The following FAM193A variants were observed in gnomAD, a reference collection of about 807,000 sequenced individuals.
The protein encoded by FAM193A is family with sequence similarity 193 member A.
In FAM193A, 22 loss-of-function variants were observed where a neutral mutation model predicts 126.5. The observed-to-expected ratio is 0.17, with a 90% CI of 0.12 to 0.25. FAM193A has a LOEUF of 0.25. Among genes scored for constraint, FAM193A ranks in the 10% least tolerant of loss-of-function variants. The pLI is 1.00. For missense variants in FAM193A, 1,675 were observed against 1,672.8 expected, an observed-to-expected ratio of 1.00 and a Z score of -0.02; for synonymous variants, 761 against 646.8, an observed-to-expected ratio of 1.18 and a Z score of -2.68.
intron 20 of FAM193A, among the ~76,000 whole-genome samples, chr4:2,730,551 G>A (rs748208732): frequency 4.6e-5 from 7 of 152,112 alleles, no homozygotes; most frequent in Non-Finnish European, 7.3e-5. Context: ...TTAGCTGGGC[G>A]TGGTGATAGG....
At chr4:2,596,665 C>G (rs536388965) in intron 2 of FAM193A, among the ~76,000 whole-genome samples, 1 of 152,190 alleles carries the variant, frequency 6.6e-6, no homozygotes, top group Non-Finnish European at 1.5e-5. Flanking sequence ...CTCAACAATT[C>G]GACATGCAGG....
chr4:2,660,282 G>C (rs998133372), intron 10 of FAM193A, among the ~76,000 whole-genome samples: 8 of 152,042 alleles, frequency 5.3e-5, no homozygotes, highest in African/African-American at 1.9e-4. Context: ...GGCCAGTAAA[G>C]AAAAAACATG....
intron 7 of FAM193A, among the ~76,000 whole-genome samples, chr4:2,650,390 G>A (rs1038460394): frequency 1.3e-5 from 2 of 152,204 alleles, no homozygotes; most frequent in African/African-American, 2.4e-5. Context: ...ACACTGTGAA[G>A]GAAAGACCTT....
chr4:2,699,656 A>G lies in FAM193A; in HGVS notation c.3508-24A>G, dbSNP rs1364899495. 3.8e-6 allele frequency: 6 copies of G among 1,573,262 alleles called. No individual in the cohort carries two copies. The South Asian group carries it at 4.7e-5, about 12-fold the overall frequency. ...TTTTTAGCACTCACTGTAGTCTTAA[A>G]TTGCCTTCTTTTTGCATTGGCAGCT... On this transcript the variant is annotated intron_variant, in intron 18 of 20. Coordinates refer to ENST00000637812, the MANE Select transcript of FAM193A (RefSeq NM_001366318.2).
chr4:2,700,625 G>T (rs1389725820), intron 19 of FAM193A, 81 bp downstream of exon 19: 2 of 1,513,220 alleles, frequency 1.3e-6, no homozygotes, highest in African/African-American at 2.8e-5. Context: ...GAAAACACTG[G>T]GTTTGGCATG....
At chr4:2,581,204 A>G (rs1239070608) in intron 1 of FAM193A, among the ~76,000 whole-genome samples, 4 of 136,498 alleles carry the variant, frequency 2.9e-5, no homozygotes, top group Non-Finnish European at 6.6e-5. Flanking sequence ...TTGTAGATCT[A>G]GGTTTTGTTC....
In FAM193A at chr4:2,631,059, T is replaced by C. The variant is rs773462616; in HGVS notation, c.928T>C (p.Ser310Pro). 1.9e-6 allele frequency: 3 copies of C among 1,613,502 alleles called. No individual in the cohort carries two copies. Among genetic ancestry groups the C allele is most frequent in the Non-Finnish European group, 2.5e-6 (3 of 1,180,002 alleles). The change falls in exon 5 of 21, where the codon TCT becomes CCT. Residue 310 changes from serine to proline, a missense_variant. Ser to Pro is a moderately conservative substitution (Grantham distance 74). Around this residue, in one of 4 missense-constraint regions of FAM193A, gnomAD observed 1,186 missense variants for 1,109.2 expected, o/e 1.07. Coordinates refer to ENST00000637812, the MANE Select transcript of FAM193A (RefSeq NM_001366318.2). ...LSAAAKVKAP[S>P]GLQGPPQAHQ... Reference sequence around the variant, plus strand: ...GGCTGCGGCCAAGGTGAAGGCACCATCTGGCCTGCAGGGCCCGCCGCAAGC... The same window carrying C: ...GGCTGCGGCCAAGGTGAAGGCACCACCTGGCCTGCAGGGCCCGCCGCAAGC...
chr4:2,573,529 A>T (rs1197591595), intron 1 of FAM193A, among the ~76,000 whole-genome samples: 1 of 150,330 alleles, frequency 6.7e-6, no homozygotes. Flanking sequence ...AAAAAAAAAA[A>T]GGTCCGTGTG....
At chr4:2,560,421 A>T (rs540427867) in intron 1 of FAM193A, among the ~76,000 whole-genome samples, 2 of 152,232 alleles carry the variant, frequency 1.3e-5, no homozygotes, top group South Asian at 4.1e-4. Flanking sequence ...CTTAGACTGG[A>T]TTGGAACATC....
chr4:2,713,618 C>T (rs1222351214), intron 19 of FAM193A, among the ~76,000 whole-genome samples: 1 of 152,140 alleles, frequency 6.6e-6, no homozygotes, highest in Non-Finnish European at 1.5e-5. Flanking sequence ...TTTTCTCTTT[C>T]CTGTCTCCCT....
In FAM193A at chr4:2,699,436, AC is replaced by A. The variant is rs111815931; in HGVS notation, c.3508-233del. Among the ~76,000 whole-genome samples, 175 of 61,040 alleles carry A rather than the reference AC, an allele frequency of 2.9e-3. 9 individuals carry two copies. The highest frequency in any genetic ancestry group is 5.3e-3 in the East Asian group (11 of 2,068). 40.0% of individuals were successfully genotyped at this position (61,040 alleles called of 152,430 possible). ...TATCGGGAATTTTTTGTTAACTACC[AC>A]CCCCCCCCCCACACACACACACACA... On this transcript the variant is annotated intron_variant, in intron 18 of 20. Transcript: ENST00000637812.
rs1285109440 is a variant in FAM193A, at chr4:2,626,449, G to A, written c.675G>A (p.Leu225=). The change falls in exon 4 of 21, where the codon CTG becomes CTA. Residue 225 remains leucine, a synonymous_variant. Coordinates refer to ENST00000637812, the MANE Select transcript of FAM193A (RefSeq NM_001366318.2). ...SAEADREPQQ[L]QNYWSEVRYT... is the part of the protein sequence containing the mutation. Reference sequence around the variant, plus strand: ...AGGCGGACCGGGAACCTCAGCAGCTGCAGAACTACTGGTCAGAAGTGCGCT... The same window carrying A: ...AGGCGGACCGGGAACCTCAGCAGCTACAGAACTACTGGTCAGAAGTGCGCT... 1 of 700,854 alleles carries A rather than the reference G, an allele frequency of 1.4e-6. No homozygotes were observed. The highest frequency in any genetic ancestry group is 2.0e-5 in the Admixed American group (1 of 49,996). The allele number at this position is 700,854 out of a possible 1,614,324, so 43.4% of individuals were successfully genotyped here. A position where few individuals can be genotyped will look rare whatever the true frequency, so the allele number is the denominator to read the frequency against.
At chr4:2,591,079 G>A (rs79120925) in intron 1 of FAM193A, among the ~76,000 whole-genome samples, 4 of 151,730 alleles carry the variant, frequency 2.6e-5, no homozygotes, top group Admixed American at 1.3e-4. Flanking sequence ...AATTAGCTGC[G>A]TGTGACACGT....
intron 13 of FAM193A, among the ~76,000 whole-genome samples, chr4:2,681,089 A>G (rs911386467): frequency 3.2e-4 from 48 of 152,116 alleles, no homozygotes; most frequent in African/African-American, 7.2e-5. Context: ...GCTTGAGCTC[A>G]AATGATTCTC....
At chr4:2,693,928 G>A in intron 16 of FAM193A, 54 bp downstream of exon 16, 1 of 1,545,600 alleles carries the variant, frequency 6.5e-7, no homozygotes, top group Non-Finnish European at 8.8e-7. Flanking sequence ...TGGGTGTTAT[G>A]CCTCACTAAC....
At chr4:2,536,318 G>C (rs1330045695), upstream of FAM193A, among the ~76,000 whole-genome samples, 2 of 151,688 alleles carry the variant, frequency 1.3e-5, no homozygotes, top group Admixed American at 6.6e-5. Flanking sequence ...GGCGCGGGCG[G>C]GACCTGCGGC....
chr4:2,625,410 T>G lies in FAM193A; in HGVS notation c.635+15T>G. 1.4e-6 allele frequency: 1 copy of G among 696,624 alleles called. No individual in the cohort carries two copies. Among genetic ancestry groups the G allele is most frequent in the Non-Finnish European group, 2.6e-6 (1 of 380,500 alleles). 43.2% of individuals were successfully genotyped at this position (696,624 alleles called of 1,614,324 possible). A position where few individuals can be genotyped will look rare whatever the true frequency, so the allele number is the denominator to read the frequency against. On this transcript the variant is annotated intron_variant, in intron 3 of 20. Coordinates refer to ENST00000637812, the MANE Select transcript of FAM193A (RefSeq NM_001366318.2). ...AGTGAGCGCAGGTATGTGACGTGTG[T>G]GCCACGTTGCTCACACCTGTCCACA... is the stretch of plus-strand genomic sequence containing the variant.
At chr4:2,699,452 A>G (rs866186102) in intron 18 of FAM193A, among the ~76,000 whole-genome samples, 1 of 96,420 alleles carries the variant, frequency 1.0e-5, no homozygotes, top group Non-Finnish European at 2.3e-5. Flanking sequence ...CCCCCCACAC[A>G]CACACACACA....
At position 2,728,828 on chromosome 4, in the gene FAM193A, A is replaced by G. The variant is rs1277394702; in HGVS notation, c.4455-2947A>G. Among the ~76,000 whole-genome samples the G allele has an allele frequency of 2.0e-5, 3 of 152,074 alleles. No individual in the cohort carries two copies. In the East Asian group the frequency reaches 5.8e-4, roughly 29 times the overall value. The stretch of plus-strand genomic sequence containing the variant: ...AAGTAAACAGTTTATTAAAACATTC[A>G]AAGACAAACAGCTTTAAATAGTGGT... On this transcript the variant is annotated intron_variant, in intron 20 of 20. Coordinates refer to ENST00000637812, the MANE Select transcript of FAM193A (RefSeq NM_001366318.2).
Sources: allele counts gnomAD v4.1 joint callset (sites outside exome capture counted in the v4.1 genomes callset), GRCh38; gene constraint gnomAD v4.1.1; regional missense constraint gnomAD v4.1.1; transcripts MANE v1.5; gene names NCBI Gene and HGNC (gene_info 2026-07-23, HGNC 2026-07-21).